PSD2: variants seen among roughly 807,000 people sequenced by gnomAD.
The protein encoded by PSD2 is PH and SEC7 domain-containing protein 2.
PSD2 carries 38 observed loss-of-function variants against 69.8 expected under a neutral mutation model. The ratio of observed to expected loss-of-function variants is 0.54; its 90% CI spans 0.42 to 0.71. The LOEUF (loss-of-function observed/expected upper bound fraction) is 0.71, where lower values mean the gene tolerates loss of function less well. Ranked by LOEUF, PSD2 falls within the 30% of genes least tolerant of loss-of-function variation. The probability of loss-of-function intolerance (pLI) is 0.00; values close to 1 mark genes in which losing one functional copy is unlikely to be tolerated. For synonymous variants in PSD2, 412 were observed against 423.0 expected (o/e 0.97, Z 0.32); for missense variants, 943 against 1,014.5 (o/e 0.93, Z 0.96).
At chr5:139,751,843 G>C in the PSD2 span, among the ~76,000 whole-genome samples, 1 of 149,570 alleles carries the variant, frequency 6.7e-6, no homozygotes, top group Non-Finnish European at 1.5e-5. Context: ...ACCCAGGCTG[G>C]AGTGCTGTAG....
At chr5:139,774,267 G>A in the PSD2 span, among the ~76,000 whole-genome samples, 1 of 152,124 alleles carries the variant, frequency 6.6e-6, no homozygotes, top group African/African-American at 2.4e-5. Flanking sequence ...TTGAACTGAA[G>A]CCTAAAAGAA....
At chr5:139,754,539 CA>C in the PSD2 span, among the ~76,000 whole-genome samples, 133,338 of 151,726 alleles carry the variant, frequency 0.88, 58,640 homozygotes, top group East Asian at 0.9. Context: ...ACTAAAAATA[CA>C]AAAAAAATAG....
In PSD2 at chr5:139,842,327, A is replaced by G. The variant is rs747219875; in HGVS notation, c.2169A>G (p.Ser723=). Reference sequence around the variant, plus strand: ...TGGCTATGAAAATCAAAGTGGGCTCAGATGATCTGGAGCGGATTGAGGCCC... The same window carrying G: ...TGGCTATGAAAATCAAAGTGGGCTCGGATGATCTGGAGCGGATTGAGGCCC... ...HLLAMKIKVG[S]DDLERIEARL... is the part of the protein sequence containing the mutation. The change falls in exon 15 of 15, where the codon TCA becomes TCG. Residue 723 remains serine (S), a synonymous_variant. Transcript: ENST00000274710. The G allele has an allele frequency of 8.7e-6, 14 of 1,614,132 alleles. No homozygotes were observed. Among genetic ancestry groups the G allele is most frequent in the Non-Finnish European group, 1.1e-5 (13 of 1,180,054 alleles).
chr5:139,751,689 G>A, the PSD2 span, among the ~76,000 whole-genome samples: 202 of 152,104 alleles, frequency 1.3e-3, no homozygotes, highest in African/African-American at 4.7e-3. Context: ...TTGAGATGTC[G>A]ATGCTCATCA....
the PSD2 span, among the ~76,000 whole-genome samples, chr5:139,760,832 T>C: frequency 7.9e-4 from 120 of 152,236 alleles, no homozygotes; most frequent in African/African-American, 2.7e-3. Flanking sequence ...GTGCTGATGG[T>C]GCTACAGCCA....
chr5:139,816,441 G>A (rs1348815316), intron 4 of PSD2, among the ~76,000 whole-genome samples: 1 of 152,124 alleles, frequency 6.6e-6, no homozygotes, highest in East Asian at 1.9e-4. Context: ...CAGTTTGGCG[G>A]TCCTCCTCCC....
chr5:139,745,232 G>T, the PSD2 span: 1 of 152,282 alleles, frequency 6.6e-6, no homozygotes, highest in African/African-American at 2.4e-5. Flanking sequence ...AGAGTTGAGT[G>T]ACAGAGCTGG....
At chr5:139,817,118 C>T (rs535168589) in intron 4 of PSD2, among the ~76,000 whole-genome samples, 64 of 152,356 alleles carry the variant, frequency 4.2e-4, no homozygotes, top group African/African-American at 1.3e-3. Context: ...CCCCTGGTCC[C>T]GGCCTCATCA....
At chr5:139,775,866 G>A in the PSD2 span, among the ~76,000 whole-genome samples, 4 of 152,086 alleles carry the variant, frequency 2.6e-5, no homozygotes, top group Non-Finnish European at 4.4e-5. Flanking sequence ...ACGGAGTTTC[G>A]CTATGTTGGT....
intron 7 of PSD2, among the ~76,000 whole-genome samples, chr5:139,830,555 TTCC>T (rs1203731874): frequency 1.7e-4 from 24 of 137,674 alleles, no homozygotes; most frequent in African/African-American, 7.4e-4. Context: ...CCTTCCTTCC[TTCC>T]TTCCTTCCTT....
chr5:139,778,633 A>G, the PSD2 span, among the ~76,000 whole-genome samples: 1 of 152,286 alleles, frequency 6.6e-6, no homozygotes, highest in East Asian at 1.9e-4. Flanking sequence ...TCTTAGGATA[A>G]ATCCCTAGCA....
At chr5:139,838,170 G>T (rs529260086) in intron 12 of PSD2, among the ~76,000 whole-genome samples, 3 of 152,188 alleles carry the variant, frequency 2.0e-5, no homozygotes, top group East Asian at 1.9e-4. Flanking sequence ...ACCACCTCTC[G>T]TCCTCCTGTG....
At chr5:139,804,999 CTGTG>C (rs750350472) in intron 1 of PSD2, among the ~76,000 whole-genome samples, 14 of 149,946 alleles carry the variant, frequency 9.3e-5, no homozygotes, top group Admixed American at 2.0e-4. Context: ...GTGTGTGTCT[CTGTG>C]TGTGTGTGAG....
chr5:139,759,963 G>C, the PSD2 span, among the ~76,000 whole-genome samples: 1 of 152,240 alleles, frequency 6.6e-6, no homozygotes, highest in Admixed American at 6.5e-5. Context: ...GAAAGGCCAG[G>C]CCTTGCCCAA....
At chr5:139,748,043 C>G in the PSD2 span, among the ~76,000 whole-genome samples, 1 of 152,354 alleles carries the variant, frequency 6.6e-6, no homozygotes, top group Admixed American at 6.5e-5. Context: ...TGCGCCAGCC[C>G]GCGGGCGGGA....
At chr5:139,799,836 G>T (rs1192049681) in intron 1 of PSD2, among the ~76,000 whole-genome samples, 1 of 152,108 alleles carries the variant, frequency 6.6e-6, no homozygotes, top group African/African-American at 2.4e-5. Context: ...ACAGGCCCTT[G>T]TGTCTGACTA....
At chr5:139,815,290 C>T (rs1760091798) in intron 4 of PSD2, among the ~76,000 whole-genome samples, 1 of 152,170 alleles carries the variant, frequency 6.6e-6, no homozygotes, top group Non-Finnish European at 1.5e-5. Flanking sequence ...ATGCCCTCAC[C>T]TGTTCTGCTA....
the PSD2 span, among the ~76,000 whole-genome samples, chr5:139,762,293 T>A: frequency 6.6e-6 from 1 of 152,018 alleles, no homozygotes; most frequent in African/African-American, 2.4e-5. Flanking sequence ...TCCACCTGCC[T>A]TGGCCTCCCG....
the PSD2 span, among the ~76,000 whole-genome samples, chr5:139,763,831 G>A: frequency 6.6e-6 from 1 of 152,148 alleles, no homozygotes. Flanking sequence ...GCTATGCCTG[G>A]TCGACTTGCG....
Sources: allele counts gnomAD v4.1 joint callset (sites outside exome capture counted in the v4.1 genomes callset), GRCh38; gene constraint gnomAD v4.1.1; transcripts MANE v1.5; gene names NCBI Gene and HGNC (gene_info 2026-07-23, HGNC 2026-07-21).